The following OPA3 variants were observed in gnomAD, a reference collection of about 807,000 sequenced individuals.
OPA3 encodes the protein outer mitochondrial membrane lipid metabolism regulator OPA3, also known as optic atrophy 3 protein.
In OPA3, 6 loss-of-function variants were observed where a neutral mutation model predicts 4.0. The observed-to-expected ratio is 1.51, with a 90% confidence interval of 0.83 to 2.99. The LOEUF (loss-of-function observed/expected upper bound fraction) is 2.99, where lower values mean the gene tolerates loss of function less well. Among genes scored for constraint, OPA3 ranks in the 30% most tolerant of loss-of-function variants. OPA3 has a pLI of 0.00. For synonymous variants in OPA3, 105 were observed against 117.1 expected, an observed-to-expected ratio of 0.90 and a Z score of 0.67; for missense variants, 235 against 256.2, an observed-to-expected ratio of 0.92 and a Z score of 0.56.
At chr19:45,580,624 T>TTATG (rs1969840574) in intron 1 of OPA3, among the ~76,000 whole-genome samples, 1 of 148,968 alleles carries the variant, frequency 6.7e-6, no homozygotes, top group Non-Finnish European at 1.5e-5. Context: ...ATTTATTTAT[T>TTATG]TATTTATTTA....
chr19:45,569,635 G>A (rs1454968045), intron 1 of OPA3, among the ~76,000 whole-genome samples: 1 of 152,102 alleles, frequency 6.6e-6, no homozygotes, highest in Non-Finnish European at 1.5e-5. Flanking sequence ...CCCGGTTGTG[G>A]TAAGCTGGCA....
At chr19:45,530,364 T>A (rs1392994207) in intron 1 of OPA3, among the ~76,000 whole-genome samples, 1 of 151,426 alleles carries the variant, frequency 6.6e-6, no homozygotes, top group Non-Finnish European at 1.5e-5. Context: ...AAAAAAAAAA[T>A]AAAATTGTAA....
At chr19:45,562,045 T>C (rs1329798181) in intron 1 of OPA3, among the ~76,000 whole-genome samples, 1 of 151,248 alleles carries the variant, frequency 6.6e-6, no homozygotes. Context: ...ATGAGGAATG[T>C]TTAGAAATTC....
At chr19:45,582,087 G>A (rs936663835) in intron 1 of OPA3, among the ~76,000 whole-genome samples, 4 of 151,886 alleles carry the variant, frequency 2.6e-5, no homozygotes, top group Non-Finnish European at 5.9e-5. Context: ...GTGAGCCACC[G>A]CGCCCCAGCC....
intron 1 of OPA3, among the ~76,000 whole-genome samples, chr19:45,539,236 C>T (rs1020147375): frequency 3.9e-5 from 6 of 152,064 alleles, no homozygotes; most frequent in Non-Finnish European, 5.9e-5. Flanking sequence ...ACAAAACTCT[C>T]GCATGTCACT....
intron 1 of OPA3, among the ~76,000 whole-genome samples, chr19:45,537,949 C>T (rs1374890436): frequency 3.3e-5 from 5 of 151,776 alleles, no homozygotes; most frequent in Non-Finnish European, 5.9e-5. Context: ...TAAAAATTAG[C>T]TGGGTGTGGT....
intron 1 of OPA3, among the ~76,000 whole-genome samples, chr19:45,581,334 C>T (rs1034126081): frequency 6.6e-6 from 1 of 152,200 alleles, no homozygotes; most frequent in Non-Finnish European, 1.5e-5. Flanking sequence ...CTCCCTTAAT[C>T]ATGTGGGCTT....
At chr19:45,529,250 C>T in exon 2 of OPA3, 1 of 1,613,730 alleles carries the variant, frequency 6.2e-7, no homozygotes, top group Non-Finnish European at 8.5e-7. Context: ...TCCCTGGCAA[C>T]ACGTCGCTCC....
At chr19:45,540,189 C>T (rs1305952651) in intron 1 of OPA3, among the ~76,000 whole-genome samples, 1 of 151,816 alleles carries the variant, frequency 6.6e-6, no homozygotes, top group African/African-American at 2.4e-5. Flanking sequence ...TGGTGGCGTG[C>T]ACCTGTAGTC....
intron 1 of OPA3, among the ~76,000 whole-genome samples, chr19:45,578,287 C>A (rs1202877819): frequency 6.6e-6 from 1 of 152,136 alleles, no homozygotes; most frequent in Non-Finnish European, 1.5e-5. Flanking sequence ...AAGATTCTGA[C>A]CCTCCCTAAA....
intron 1 of OPA3, among the ~76,000 whole-genome samples, chr19:45,559,095 G>C (rs1285781348): frequency 6.6e-6 from 1 of 152,084 alleles, no homozygotes. Flanking sequence ...TGTTGGCCAG[G>C]CTGGTCTCAA....
chr19:45,573,071 C>T (rs1935884023), intron 1 of OPA3, among the ~76,000 whole-genome samples: 1 of 151,900 alleles, frequency 6.6e-6, no homozygotes, highest in African/African-American at 2.4e-5. Context: ...TACAAATTCT[C>T]AGAGGAGAAT....
intron 1 of OPA3, among the ~76,000 whole-genome samples, chr19:45,556,262 G>C (rs1969419486): frequency 6.6e-6 from 1 of 152,122 alleles, no homozygotes; most frequent in African/African-American, 2.4e-5. Context: ...TCCCACCTCA[G>C]CCTCCTGAGT....
At position 45,549,033 on chromosome 19, in the gene OPA3, G is replaced by A. The variant is rs1266747077; in HGVS notation, c.*4481C>T. ...TTGATCAGGTTGGTCTTGAACTCCT[G>A]ACCTCAGGTGATCCACCCACCCTGG... On this transcript the variant is annotated 3_prime_UTR_variant, in exon 2 of 2. Coordinates refer to ENST00000263275, the MANE Select transcript of OPA3 (RefSeq NM_025136.4). The A allele has an allele frequency of 2.8e-6, 2 of 719,546 alleles. No individual in the cohort carries two copies. The highest frequency in any genetic ancestry group is 3.4e-6 in the Non-Finnish European group (2 of 587,396). The allele number at this position is 719,546 out of a possible 1,614,324, so 44.6% of individuals were successfully genotyped here. A position where few individuals can be genotyped will look rare whatever the true frequency, so the allele number is the denominator to read the frequency against.
intron 1 of OPA3, among the ~76,000 whole-genome samples, chr19:45,583,995 A>G (rs1969894084): frequency 6.6e-6 from 1 of 152,174 alleles, no homozygotes; most frequent in African/African-American, 2.4e-5. Flanking sequence ...AACCGAATGA[A>G]AGGACGGCGT....
intron 1 of OPA3, among the ~76,000 whole-genome samples, chr19:45,539,404 C>A (rs1969157636): frequency 6.6e-6 from 1 of 152,118 alleles, no homozygotes; most frequent in Non-Finnish European, 1.5e-5. Context: ...CCAACCTGGG[C>A]AACATGGCGA....
chr19:45,550,946 G>A lies in OPA3; in HGVS notation c.*2568C>T. 1 of 985,692 alleles carries A rather than the reference G, an allele frequency of 1.0e-6. No homozygotes were observed. The highest frequency in any genetic ancestry group is 4.7e-5 in the South Asian group (1 of 21,288). The allele number at this position is 985,692 out of a possible 1,614,324, so 61.1% of individuals were successfully genotyped here. A position where few individuals can be genotyped will look rare whatever the true frequency, so the allele number is the denominator to read the frequency against. On this transcript the variant is annotated 3_prime_UTR_variant, in exon 2 of 2. Coordinates refer to ENST00000263275, the MANE Select transcript of OPA3 (RefSeq NM_025136.4). ...TAGCAGGAAGGCCAAATGGCCCGCG[G>A]GGTTGGCAGGAGTCCCAGGGTACTT...
intron 1 of OPA3, among the ~76,000 whole-genome samples, chr19:45,580,981 G>A (rs1969847023): frequency 1.3e-5 from 2 of 152,158 alleles, no homozygotes; most frequent in African/African-American, 4.8e-5. Context: ...GGCAGAGACA[G>A]GAAACAAACT....
At position 45,548,318 on chromosome 19, in the gene OPA3, G is replaced by A; in HGVS notation, c.*5196C>T. ...CTCTCAGCCATTTTGCCTCCCTCCA[G>A]GCAATGGCCTGCCCTACAGAGAAAC... is the stretch of plus-strand genomic sequence containing the variant. On this transcript the variant is annotated 3_prime_UTR_variant, in exon 2 of 2. Transcript: ENST00000263275. 1.0e-6 allele frequency: 1 copy of A among 985,496 alleles called. No homozygotes were observed. The highest frequency in any genetic ancestry group is 1.7e-5 in the African/African-American group (1 of 57,368). The allele number at this position is 985,496 out of a possible 1,614,324, so 61.0% of individuals were successfully genotyped here. A position where few individuals can be genotyped will look rare whatever the true frequency, so the allele number is the denominator to read the frequency against.
Sources: gnomAD v4.1 joint callset for allele counts (sites outside exome capture counted in the v4.1 genomes callset) on GRCh38, gnomAD v4.1.1 for gene constraint, MANE v1.5 for transcripts, NCBI Gene and HGNC (gene_info 2026-07-23, HGNC 2026-07-21) for gene names.